PDGFRL: variants seen among roughly 807,000 people sequenced by gnomAD.
PDGFRL encodes the protein platelet derived growth factor receptor like.
A neutral mutation model predicts 37.2 loss-of-function variants in PDGFRL; 46 were observed. The observed-to-expected ratio is 1.24, with a 90% confidence interval of 0.98 to 1.58. PDGFRL has a LOEUF of 1.58. PDGFRL is among the 40% of genes most tolerant of loss of function. The pLI is 0.00. For missense variants in PDGFRL, 692 were observed against 467.6 expected (o/e 1.48, Z -4.43); for synonymous variants, 251 against 184.3 (o/e 1.36, Z -2.93).
chr8:17,638,958 A>C (rs1805037474), intron 5 of PDGFRL, among the ~76,000 whole-genome samples: 1 of 151,608 alleles, frequency 6.6e-6, no homozygotes, highest in African/African-American at 2.4e-5. Context: ...CTGAGGCACA[A>C]GAATCACTTG....
intron 1 of PDGFRL, among the ~76,000 whole-genome samples, chr8:17,581,064 C>G (rs9792294): frequency 0.27 from 40,864 of 151,898 alleles, 5,723 homozygotes; most frequent in Middle Eastern, 0.39. Flanking sequence ...CTCCATTCCT[C>G]AATGAGGTTA....
chr8:17,618,011 T>G (rs550743062), intron 2 of PDGFRL, among the ~76,000 whole-genome samples: 5 of 152,008 alleles, frequency 3.3e-5, no homozygotes, highest in Non-Finnish European at 5.9e-5. Flanking sequence ...TTTTTTTAAT[T>G]TGCTGAAATC....
At chr8:17,630,922 G>C (rs1395387409) in intron 4 of PDGFRL, among the ~76,000 whole-genome samples, 1 of 152,046 alleles carries the variant, frequency 6.6e-6, no homozygotes, top group Non-Finnish European at 1.5e-5. Flanking sequence ...TTTGCTCTGA[G>C]CTGCAGCATG....
At chr8:17,617,059 C>T (rs185261873) in intron 2 of PDGFRL, among the ~76,000 whole-genome samples, 5 of 152,316 alleles carry the variant, frequency 3.3e-5, no homozygotes, top group African/African-American at 1.2e-4. Context: ...AAGCTTCAGT[C>T]CTCCACTGAT....
At chr8:17,634,581 A>G (rs555822005) in intron 5 of PDGFRL, among the ~76,000 whole-genome samples, 61 of 152,262 alleles carry the variant, frequency 4.0e-4, no homozygotes, top group South Asian at 1.2e-3. Flanking sequence ...ATGCCCTTCA[A>G]TGGTAGACTG....
intron 2 of PDGFRL, among the ~76,000 whole-genome samples, chr8:17,604,810 T>C (rs991424980): frequency 1.9e-4 from 29 of 152,128 alleles, no homozygotes; most frequent in African/African-American, 6.8e-4. Flanking sequence ...CCTTTCTAAA[T>C]ATGTATACAA....
intron 1 of PDGFRL, among the ~76,000 whole-genome samples, chr8:17,585,000 G>GGGAC (rs56726829): frequency 0.16 from 24,546 of 152,044 alleles, 2,405 homozygotes; most frequent in Non-Finnish European, 0.22. Flanking sequence ...TTCCGGGAAA[G>GGGAC]GGACGGGAAA....
In PDGFRL at chr8:17,596,356, G is replaced by A. The variant is rs559867413; in HGVS notation, c.353+6591G>A. ...TAACTCCGTGGGAAGAAGCCAACGC[G>A]CCCGCAGGACCGGCCCTGCCTCCAA... On this transcript the variant is annotated intron_variant, in intron 2 of 5. Transcript: ENST00000251630. 3.0e-5 allele frequency: 37 copies of A among 1,238,016 alleles called. No individual in the cohort carries two copies. The South Asian group carries it at 6.2e-4, about 21-fold the overall frequency. The allele number at this position is 1,238,016 out of a possible 1,614,324, so 76.7% of individuals were successfully genotyped here.
At position 17,605,445 on chromosome 8, in the gene PDGFRL, C is replaced by T. The variant is rs118124145; in HGVS notation, c.354-15606C>T. Among the ~76,000 whole-genome samples the T allele has an allele frequency of 9.9e-3, 1,502 of 152,296 alleles. 12 individuals are homozygous for T. The highest frequency in any genetic ancestry group is 0.02 in the Middle Eastern group (6 of 294). ...TTCTGGATTATCTGAATAACCCCTG[C>T]TGGGAGATCAACGTGACCCATTTGC... On this transcript the variant is annotated intron_variant, in intron 2 of 5. Coordinates refer to ENST00000251630, the MANE Select transcript of PDGFRL (RefSeq NM_001372073.1).
chr8:17,627,678 G>A (rs28412786), intron 3 of PDGFRL, among the ~76,000 whole-genome samples: 21,098 of 150,846 alleles, frequency 0.14, 2,182 homozygotes, highest in African/African-American at 0.29. Flanking sequence ...GTTTCACCAT[G>A]TTGCCCAGGC....
chr8:17,607,004 T>A (rs1385151932), intron 2 of PDGFRL, among the ~76,000 whole-genome samples: 2 of 149,898 alleles, frequency 1.3e-5, no homozygotes, highest in Middle Eastern at 3.2e-3. Context: ...CAAGCAATTC[T>A]CCTGCCTCAG....
At chr8:17,583,631 C>T (rs57674004) in intron 1 of PDGFRL, among the ~76,000 whole-genome samples, 1 of 152,016 alleles carries the variant, frequency 6.6e-6, no homozygotes, top group East Asian at 1.9e-4. Flanking sequence ...ATTTGATCAC[C>T]AGTGTTGGTG....
chr8:17,577,348 G>A (rs771338766), intron 1 of PDGFRL, 41 bp downstream of exon 1: 2 of 1,563,866 alleles, frequency 1.3e-6, no homozygotes, highest in African/African-American at 1.4e-5. Context: ...CTTGTGCCCT[G>A]ACTTTAGCCG....
At chr8:17,588,065 G>C (rs1344621100) in intron 1 of PDGFRL, among the ~76,000 whole-genome samples, 1 of 152,166 alleles carries the variant, frequency 6.6e-6, no homozygotes, top group Non-Finnish European at 1.5e-5. Context: ...GGCAATAAGG[G>C]TGCCTTACTT....
At chr8:17,581,220 A>T (rs2517270) in intron 1 of PDGFRL, among the ~76,000 whole-genome samples, 1 of 151,358 alleles carries the variant, frequency 6.6e-6, no homozygotes. Flanking sequence ...TGCCTGAAAC[A>T]AGGAAGCAAA....
At chr8:17,582,893 C>T (rs763330787) in intron 1 of PDGFRL, among the ~76,000 whole-genome samples, 1 of 152,024 alleles carries the variant, frequency 6.6e-6, no homozygotes, top group Non-Finnish European at 1.5e-5. Flanking sequence ...GGGGGCAGGC[C>T]CTGCTGCTCT....
At chr8:17,620,416 A>G (rs1804607046) in intron 2 of PDGFRL, among the ~76,000 whole-genome samples, 1 of 152,166 alleles carries the variant, frequency 6.6e-6, no homozygotes, top group Non-Finnish European at 1.5e-5. Flanking sequence ...GGTTGCAGAG[A>G]AATGGAGAAA....
chr8:17,606,886 G>GTTTTTTGTTT (rs1804290094), intron 2 of PDGFRL, among the ~76,000 whole-genome samples: 68 of 138,252 alleles, frequency 4.9e-4, no homozygotes, highest in African/African-American at 1.9e-3. Context: ...TTCGTTTTTT[G>GTTTTTTGTTT]TTTTTTTGTT....
chr8:17,637,344 T>A (rs11203877), intron 5 of PDGFRL, among the ~76,000 whole-genome samples: 1 of 152,050 alleles, frequency 6.6e-6, no homozygotes, highest in African/African-American at 2.4e-5. Context: ...GATGATCATG[T>A]GATTTTTTGT....
Sources: gnomAD v4.1 joint callset for allele counts (sites outside exome capture counted in the v4.1 genomes callset) on GRCh38, gnomAD v4.1.1 for gene constraint, MANE v1.5 for transcripts, NCBI Gene and HGNC (gene_info 2026-07-23, HGNC 2026-07-21) for gene names.